The following AOPEP variants were observed in gnomAD, a reference collection of about 807,000 sequenced individuals.
The protein encoded by AOPEP is aminopeptidase O.
Under a neutral mutation model 98.1 loss-of-function variants are expected in AOPEP, and 77 were observed. The observed-to-expected ratio is 0.78, with a 90% CI of 0.65 to 0.95. The LOEUF (loss-of-function observed/expected upper bound fraction) is 0.95. Ranked by LOEUF, AOPEP falls within the 40% of genes least tolerant of loss-of-function variation. The pLI is 0.00. For synonymous variants in AOPEP, 346 were observed against 365.3 expected (o/e 0.95, Z 0.60); for missense variants, 1,024 against 1,024.7 (o/e 1.00, Z 0.01).
rs1238431274 is a variant in AOPEP, at chr9:94,898,009, T to C, written c.1365-25977T>C. Among the ~76,000 whole-genome samples the C allele has an allele frequency of 1.1e-4, 16 of 152,086 alleles. 1 individual carries two copies. The East Asian group carries it at 3.1e-3, about 30-fold the overall frequency. On this transcript the variant is annotated intron_variant, in intron 5 of 16. Coordinates refer to ENST00000375315, the MANE Select transcript of AOPEP (RefSeq NM_001193329.3). ...CGCGCACCACCATGCCTGGCTGATT[T>C]TTGTATTTTTAGTAAAGATGGGGTT...
chr9:94,931,697 C>A (rs16911846), intron 7 of AOPEP: 1 of 1,511,702 alleles, frequency 6.6e-7, no homozygotes, highest in East Asian at 2.5e-5. Context: ...GTAAAAATCT[C>A]GCTTTATGTC....
intron 14 of AOPEP, among the ~76,000 whole-genome samples, chr9:95,070,901 T>G: frequency 6.6e-6 from 1 of 152,226 alleles, no homozygotes; most frequent in East Asian, 1.9e-4. Context: ...TGCCATCTAG[T>G]GTCACAGCAG....
At position 94,800,950 on chromosome 9, in the gene AOPEP, C is replaced by T. The variant is rs369261332; in HGVS notation, c.1312C>T (p.Arg438Trp). 6.8e-5 allele frequency: 110 copies of T among 1,614,076 alleles called. No homozygotes were observed. The highest frequency in any genetic ancestry group is 8.7e-5 in the Non-Finnish European group (103 of 1,180,036). Residue 438 changes from arginine to tryptophan, a missense_variant, in exon 5 of 17, where the codon CGG becomes TGG. Around this residue, in one of 3 missense-constraint regions of AOPEP, gnomAD observed 566 missense variants for 551.7 expected, o/e 1.03. Transcript: ENST00000375315. ...HSVLGAHPFS[R>W]LDVLIVPANF... ...TGTTCTGGGAGCACACCCGTTCTCT[C>T]GGCTGGATGTTCTCATCGTCCCTGC...
At chr9:94,757,875 C>T (rs557252789) in intron 1 of AOPEP, among the ~76,000 whole-genome samples, 4 of 152,220 alleles carry the variant, frequency 2.6e-5, no homozygotes, top group Admixed American at 2.6e-4. Flanking sequence ...ATCACTGTTT[C>T]TGATTACATA....
In AOPEP at chr9:94,848,616, C is replaced by G. The variant is rs895958353; in HGVS notation, c.1364+47614C>G. ...CAGCCTGGGTGACAGAGGGAGATTC[C>G]CACTCAAACAAACAAACAAACAAAC... On this transcript the variant is annotated intron_variant, in intron 5 of 16. Coordinates refer to ENST00000375315, the MANE Select transcript of AOPEP (RefSeq NM_001193329.3). 9.3e-5 allele frequency among the ~76,000 whole-genome samples: 14 copies of G among 151,224 alleles called. No individual in the cohort carries two copies. The South Asian group carries it at 2.7e-3, about 29-fold the overall frequency.
intron 6 of AOPEP, among the ~76,000 whole-genome samples, chr9:94,927,615 G>A (rs1038328045): frequency 4.6e-5 from 7 of 152,136 alleles, no homozygotes; most frequent in African/African-American, 1.7e-4. Flanking sequence ...GGGGCATCTG[G>A]GTTCTCCCTT....
Position 94,802,946 on chromosome 9 carries a change from G to A in AOPEP, c.1364+1944G>A, listed in dbSNP as rs1027433740. ...TCTGCTTGCTTGGCTTGACTCTGTC[G>A]GGATCCCAACACCTTGGGCTACATG... is the stretch of plus-strand genomic sequence containing the variant. On this transcript the variant is annotated intron_variant, in intron 5 of 16. Transcript: ENST00000375315. Among the ~76,000 whole-genome samples the A allele has an allele frequency of 9.9e-5, 15 of 152,012 alleles. No individual in the cohort carries two copies. The East Asian group carries it at 1.4e-3, about 14-fold the overall frequency.
chr9:94,838,906 A>ATTT (rs1239961626), intron 5 of AOPEP, among the ~76,000 whole-genome samples: 5 of 79,414 alleles, frequency 6.3e-5, no homozygotes, highest in African/African-American at 1.7e-4. Flanking sequence ...TATAAATGCT[A>ATTT]TTCTTTTTTT....
At chr9:95,145,032 C>T in the AOPEP span, among the ~76,000 whole-genome samples, 2 of 152,092 alleles carry the variant, frequency 1.3e-5, no homozygotes, top group African/African-American at 2.4e-5. Flanking sequence ...GACCATTTTT[C>T]GAATCAAGTG....
At chr9:94,979,053 C>T (rs1252252999) in intron 10 of AOPEP, among the ~76,000 whole-genome samples, 1 of 152,118 alleles carries the variant, frequency 6.6e-6, no homozygotes, top group Non-Finnish European at 1.5e-5. Flanking sequence ...CTGATGTGTG[C>T]GATGAATATG....
At chr9:94,748,355 T>C (rs1834982362) in intron 1 of AOPEP, among the ~76,000 whole-genome samples, 1 of 152,230 alleles carries the variant, frequency 6.6e-6, no homozygotes, top group African/African-American at 2.4e-5. Context: ...TTTTCCTTTG[T>C]ATTTTTCCTG....
intron 13 of AOPEP, among the ~76,000 whole-genome samples, chr9:95,045,834 G>C (rs1167029505): frequency 6.6e-6 from 1 of 152,184 alleles, no homozygotes; most frequent in African/African-American, 2.4e-5. Flanking sequence ...GTTGAGAGGG[G>C]AGCAGTACCA....
chr9:95,087,639 G>C (rs541634562), downstream of AOPEP, among the ~76,000 whole-genome samples: 12 of 152,172 alleles, frequency 7.9e-5, no homozygotes, highest in Non-Finnish European at 1.5e-4. Context: ...GCTGCGCGTG[G>C]GGCACCCTCT....
intron 13 of AOPEP, among the ~76,000 whole-genome samples, chr9:95,031,798 A>C (rs937881989): frequency 6.6e-6 from 1 of 152,194 alleles, no homozygotes; most frequent in African/African-American, 2.4e-5. Context: ...CCCAGTTCAA[A>C]CAAGCGAACA....
chr9:95,147,341 AC>A, the AOPEP span, among the ~76,000 whole-genome samples: 1 of 152,054 alleles, frequency 6.6e-6, no homozygotes, highest in Non-Finnish European at 1.5e-5. Context: ...AACATGGAAA[AC>A]CCTGTCTCTA....
At chr9:94,892,650 G>A (rs2049005263) in intron 5 of AOPEP, among the ~76,000 whole-genome samples, 1 of 149,328 alleles carries the variant, frequency 6.7e-6, no homozygotes, top group Non-Finnish European at 1.5e-5. Context: ...TCTGTGTAGA[G>A]TGAAGGTGCT....
intron 5 of AOPEP, among the ~76,000 whole-genome samples, chr9:94,877,425 T>G (rs900513010): frequency 6.6e-4 from 54 of 81,722 alleles, no homozygotes; most frequent in African/African-American, 1.8e-3. Flanking sequence ...TTTTTTTCTT[T>G]TCTTTTTTTT....
intron 2 of AOPEP, among the ~76,000 whole-genome samples, chr9:94,767,917 G>C (rs564693822): frequency 6.6e-6 from 1 of 152,318 alleles, no homozygotes; most frequent in East Asian, 1.9e-4. Context: ...AGAGGTGCAT[G>C]TGTGTGTATA....
intron 14 of AOPEP, among the ~76,000 whole-genome samples, chr9:95,071,671 G>C (rs777453900): frequency 1.3e-5 from 2 of 152,046 alleles, no homozygotes; most frequent in Non-Finnish European, 2.9e-5. Context: ...AACCAAGTTG[G>C]GTATACTGGC....
Sources: allele counts gnomAD v4.1 joint callset (sites outside exome capture counted in the v4.1 genomes callset), GRCh38; gene constraint gnomAD v4.1.1; regional missense constraint gnomAD v4.1.1; transcripts MANE v1.5; gene names NCBI Gene and HGNC (gene_info 2026-07-23, HGNC 2026-07-21).